The following VWC2L variants were observed in gnomAD, a reference collection of about 807,000 sequenced individuals.
The protein encoded by VWC2L is von Willebrand factor C domain containing 2 like.
Under a neutral mutation model 21.6 loss-of-function variants are expected in VWC2L, and 10 were observed. The observed-to-expected ratio is 0.46, with a 90% CI of 0.29 to 0.78. The LOEUF is 0.78. VWC2L is among the 30% of genes least tolerant of loss of function. The pLI, the probability that VWC2L is intolerant of heterozygous loss-of-function variation, is 0.10. For synonymous variants in VWC2L, 96 were observed against 94.3 expected, an observed-to-expected ratio of 1.02 and a Z score of -0.10; for missense variants, 209 against 277.1, an observed-to-expected ratio of 0.75 and a Z score of 1.74.
chr2:214,542,023 T>C (rs1324471029), intron 3 of VWC2L, among the ~76,000 whole-genome samples: 1 of 151,938 alleles, frequency 6.6e-6, no homozygotes, highest in Non-Finnish European at 1.5e-5. Context: ...TTTGATCACG[T>C]GGATGAGGTC....
At chr2:214,499,425 A>G (rs1181557667) in intron 3 of VWC2L, among the ~76,000 whole-genome samples, 1 of 150,280 alleles carries the variant, frequency 6.7e-6, no homozygotes, top group East Asian at 2.0e-4. Flanking sequence ...CTTGAAACAG[A>G]CATATTATTT....
At chr2:214,483,706 G>T (rs943324974) in intron 3 of VWC2L, among the ~76,000 whole-genome samples, 44 of 152,164 alleles carry the variant, frequency 2.9e-4, no homozygotes, top group African/African-American at 1.1e-3. Context: ...AAAGCCGTTT[G>T]ATTTATGTAT....
intron 2 of VWC2L, among the ~76,000 whole-genome samples, chr2:214,418,257 T>G (rs541094490): frequency 1.3e-5 from 2 of 152,336 alleles, no homozygotes; most frequent in East Asian, 3.9e-4. Flanking sequence ...TGTGAAGAGC[T>G]TTATGTATAT....
At chr2:214,555,028 T>C (rs1689853647) in intron 3 of VWC2L, among the ~76,000 whole-genome samples, 2 of 152,146 alleles carry the variant, frequency 1.3e-5, no homozygotes, top group South Asian at 4.1e-4. Context: ...ATAAAAGACA[T>C]TTACCATCTA....
intron 3 of VWC2L, among the ~76,000 whole-genome samples, chr2:214,508,325 T>C (rs1213132983): frequency 6.6e-6 from 1 of 152,148 alleles, no homozygotes; most frequent in East Asian, 1.9e-4. Context: ...ATTCTAAAAC[T>C]ACAGAAATTT....
intron 3 of VWC2L, among the ~76,000 whole-genome samples, chr2:214,545,929 C>G (rs1425522835): frequency 6.6e-6 from 1 of 152,176 alleles, no homozygotes; most frequent in South Asian, 2.1e-4. Context: ...CACATACATA[C>G]TAGAATACTA....
chr2:214,561,280 C>T (rs572204184), intron 3 of VWC2L, among the ~76,000 whole-genome samples: 5 of 152,088 alleles, frequency 3.3e-5, no homozygotes, highest in Non-Finnish European at 5.9e-5. Flanking sequence ...AAAGAGATGC[C>T]CTTGTTCATT....
chr2:214,431,977 G>A (rs1330005604), intron 2 of VWC2L, among the ~76,000 whole-genome samples: 1 of 152,180 alleles, frequency 6.6e-6, no homozygotes, highest in Non-Finnish European at 1.5e-5. Context: ...TTTAGAGGGT[G>A]AGTTTATGTG....
At chr2:214,478,983 A>G (rs1262731384) in intron 3 of VWC2L, among the ~76,000 whole-genome samples, 2 of 152,120 alleles carry the variant, frequency 1.3e-5, no homozygotes, top group East Asian at 3.9e-4. Flanking sequence ...ACTGCCACAC[A>G]TTCCTCTCCA....
intron 3 of VWC2L, among the ~76,000 whole-genome samples, chr2:214,519,804 C>T (rs1689203723): frequency 6.6e-6 from 1 of 152,128 alleles, no homozygotes; most frequent in Non-Finnish European, 1.5e-5. Flanking sequence ...ACTGACTCCC[C>T]CTAGGTTCAC....
chr2:214,573,268 C>T (rs764782494), intron 3 of VWC2L, among the ~76,000 whole-genome samples: 14 of 152,052 alleles, frequency 9.2e-5, no homozygotes, highest in Admixed American at 2.6e-4. Flanking sequence ...TACACACATA[C>T]GCACGCTCAC....
intron 3 of VWC2L, among the ~76,000 whole-genome samples, chr2:214,496,510 G>A (rs1688815344): frequency 6.6e-6 from 1 of 151,992 alleles, no homozygotes; most frequent in African/African-American, 2.4e-5. Flanking sequence ...TCAGAACATT[G>A]ATAGACCTCC....
At chr2:214,475,431 A>T (rs1688500560) in intron 3 of VWC2L, among the ~76,000 whole-genome samples, 1 of 152,180 alleles carries the variant, frequency 6.6e-6, no homozygotes, top group South Asian at 2.1e-4. Flanking sequence ...TTTATTTTTG[A>T]AACGTGTATG....
At chr2:214,417,758 A>G (rs1388701039) in intron 2 of VWC2L, among the ~76,000 whole-genome samples, 3 of 152,204 alleles carry the variant, frequency 2.0e-5, no homozygotes, top group African/African-American at 7.2e-5. Context: ...ATAGGAAATA[A>G]AATGCGGATT....
intron 3 of VWC2L, among the ~76,000 whole-genome samples, chr2:214,566,122 A>G (rs1690058628): frequency 6.6e-6 from 1 of 152,192 alleles, no homozygotes; most frequent in African/African-American, 2.4e-5. Flanking sequence ...TCAGCTTGGG[A>G]AGTTTGGCTG....
At chr2:214,509,778 A>G (rs987590723) in intron 3 of VWC2L, among the ~76,000 whole-genome samples, 8 of 152,064 alleles carry the variant, frequency 5.3e-5, no homozygotes, top group Non-Finnish European at 1.0e-4. Flanking sequence ...TTTCTTTCTA[A>G]CAGATAGCTG....
At chr2:214,453,484 T>G (rs184849796) in intron 3 of VWC2L, among the ~76,000 whole-genome samples, 7 of 152,288 alleles carry the variant, frequency 4.6e-5, no homozygotes, top group African/African-American at 7.2e-5. Flanking sequence ...TTAGAATCAG[T>G]TTATCAGTTT....
chr2:214,500,918 T>A (rs1179114233), intron 3 of VWC2L, among the ~76,000 whole-genome samples: 2 of 152,238 alleles, frequency 1.3e-5, no homozygotes, highest in Non-Finnish European at 2.9e-5. Flanking sequence ...TCACTCTTGA[T>A]GAAACTATGA....
At chr2:214,445,608 G>T (rs1574568313) in intron 3 of VWC2L, among the ~76,000 whole-genome samples, 1 of 151,360 alleles carries the variant, frequency 6.6e-6, no homozygotes. Flanking sequence ...AAGACTAGAA[G>T]GAAATACTTC....
Sources: gnomAD v4.1 joint callset for allele counts (sites outside exome capture counted in the v4.1 genomes callset) on GRCh38, gnomAD v4.1.1 for gene constraint, MANE v1.5 for transcripts, NCBI Gene and HGNC (gene_info 2026-07-23, HGNC 2026-07-21) for gene names.